Variants in SLC9A8 observed in about 807,000 individuals in gnomAD.
The protein encoded by SLC9A8 is solute carrier family 9 member A8.
In SLC9A8, 48 loss-of-function variants were observed where a neutral mutation model predicts 66.6. That is an observed-to-expected ratio of 0.72 (90% CI 0.57 to 0.92). The LOEUF (loss-of-function observed/expected upper bound fraction) is 0.92. Among genes scored for constraint, SLC9A8 ranks in the 40% least tolerant of loss-of-function variants. SLC9A8 has a pLI of 0.00. For missense variants in SLC9A8, 599 were observed against 747.3 expected (o/e 0.80, Z 2.31); for synonymous variants, 274 against 282.6 (o/e 0.97, Z 0.31).
intron 10 of SLC9A8, among the ~76,000 whole-genome samples, 198 bp from the exon 11 acceptor site, chr20:49,874,507 C>T (rs2089344299): frequency 6.6e-6 from 1 of 152,140 alleles, no homozygotes; most frequent in Non-Finnish European, 1.5e-5. Context: ...CTCAAGGTCA[C>T]CCAGCTAGTA....
At chr20:49,872,335 C>T (rs1489079491) in intron 10 of SLC9A8, among the ~76,000 whole-genome samples, 1 of 152,180 alleles carries the variant, frequency 6.6e-6, no homozygotes, top group Non-Finnish European at 1.5e-5. Context: ...CCTGCTGTCA[C>T]TCAGCCAGCC....
intron 3 of SLC9A8, among the ~76,000 whole-genome samples, chr20:49,834,367 GTGTATA>G (rs1452590003): frequency 2.3e-5 from 1 of 43,860 alleles, no homozygotes; most frequent in Non-Finnish European, 4.8e-5. Flanking sequence ...TATATATACT[GTGTATA>G]TATATATATA....
chr20:49,831,609 A>G (rs2146514315), intron 3 of SLC9A8, among the ~76,000 whole-genome samples: 1 of 152,278 alleles, frequency 6.6e-6, no homozygotes, highest in South Asian at 2.1e-4. Flanking sequence ...AGTCATGTCC[A>G]CGTCCCCCGC....
At chr20:49,813,062 G>C in intron 1 of SLC9A8, 114 bp downstream of exon 1, 1 of 927,080 alleles carries the variant, frequency 1.1e-6, no homozygotes. Context: ...TTTGCTGGTT[G>C]GCCAGGACTG....
rs115552127 is a variant in SLC9A8, at chr20:49,854,606, A to G, written c.570-832A>G. ...TGCCTTCATCTCTGGGTATTGCTGT[A>G]TCTACTGTTGGGGGTAGGAGTACCG... On this transcript the variant is annotated intron_variant, in intron 7 of 15. Transcript: ENST00000361573. Among the ~76,000 whole-genome samples, 636 of 152,152 alleles carry G rather than the reference A, an allele frequency of 4.2e-3. 3 individuals carry two copies. Among genetic ancestry groups the G allele is most frequent in the African/African-American group, 0.015 (615 of 41,494 alleles).
At chr20:49,822,431 G>A (rs940209670) in intron 2 of SLC9A8, among the ~76,000 whole-genome samples, 3 of 152,130 alleles carry the variant, frequency 2.0e-5, no homozygotes, top group African/African-American at 7.2e-5. Flanking sequence ...CCATTTCTCA[G>A]AATCAGAAAA....
intron 13 of SLC9A8, 82 bp from the exon 14 acceptor site, chr20:49,883,764 G>T: frequency 8.8e-7 from 1 of 1,135,382 alleles, no homozygotes; most frequent in Non-Finnish European, 1.3e-6. Flanking sequence ...GTGGTGCTGG[G>T]CCGGCTGGAT....
intron 3 of SLC9A8, among the ~76,000 whole-genome samples, chr20:49,833,838 G>A (rs1020973264): frequency 6.6e-5 from 10 of 152,162 alleles, no homozygotes. Flanking sequence ...GAATTGAGGG[G>A]TGTCCTTAAT....
At chr20:49,836,617 A>G (rs931041930) in intron 3 of SLC9A8, among the ~76,000 whole-genome samples, 2 of 152,108 alleles carry the variant, frequency 1.3e-5, no homozygotes, top group Non-Finnish European at 2.9e-5. Flanking sequence ...GTGAGCCACC[A>G]CACCTGGCCT....
intron 13 of SLC9A8, among the ~76,000 whole-genome samples, chr20:49,881,816 T>C (rs2089634730): frequency 6.6e-6 from 1 of 152,156 alleles, no homozygotes; most frequent in Non-Finnish European, 1.5e-5. Context: ...GAAAAACTCA[T>C]TTTTTTCCTA....
At chr20:49,836,815 C>G (rs146529506) in intron 3 of SLC9A8, among the ~76,000 whole-genome samples, 49 of 152,256 alleles carry the variant, frequency 3.2e-4, no homozygotes, top group African/African-American at 1.2e-3. Context: ...GTGCGTGTTC[C>G]AATTTCTCTA....
chr20:49,823,081 C>T lies in SLC9A8; in HGVS notation c.229C>T (p.His77Tyr). The change falls in exon 3 of 16, where the codon CAT becomes TAT. Residue 77 changes from histidine to tyrosine, a missense_variant. Physicochemically the swap from His to Tyr is moderately conservative, Grantham distance 83. This residue lies in a region of SLC9A8 where 132 missense variants were observed against 120.9 expected (regional missense o/e 1.09). Coordinates refer to ENST00000361573, the MANE Select transcript of SLC9A8 (RefSeq NM_015266.3). ...LVLAICIILV[H>Y]LLIRYRLHFL... ...CACAGCTATCTGCATCATATTGGTG[C>T]ATTTACTGATCCGATACAGATTACA... The T allele has an allele frequency of 6.2e-7, 1 of 1,612,312 alleles. No homozygotes were observed. The highest frequency in any genetic ancestry group is 8.5e-7 in the Non-Finnish European group (1 of 1,179,024).
At chr20:49,880,045 G>A (rs1378508571) in intron 12 of SLC9A8, among the ~76,000 whole-genome samples, 1 of 152,010 alleles carries the variant, frequency 6.6e-6, no homozygotes, top group Non-Finnish European at 1.5e-5. Flanking sequence ...AGGATTGCTT[G>A]AGACCAGGAG....
At chr20:49,823,373 C>G (rs1310859284) in intron 3 of SLC9A8, among the ~76,000 whole-genome samples, 1 of 152,166 alleles carries the variant, frequency 6.6e-6, no homozygotes, top group Non-Finnish European at 1.5e-5. Context: ...GGCCATACAG[C>G]TCTGTACAGC....
chr20:49,860,788 G>C (rs1335178503), intron 8 of SLC9A8, among the ~76,000 whole-genome samples: 1 of 152,168 alleles, frequency 6.6e-6, no homozygotes, highest in African/African-American at 2.4e-5. Flanking sequence ...GAATATTACT[G>C]TTGACTATTC....
intron 10 of SLC9A8, among the ~76,000 whole-genome samples, chr20:49,871,431 C>G (rs774846560): frequency 2.0e-5 from 3 of 152,210 alleles, no homozygotes; most frequent in Non-Finnish European, 4.4e-5. Context: ...GCTGCATTTG[C>G]TTTCTTAAAC....
At chr20:49,820,518 A>G (rs973724866) in intron 2 of SLC9A8, among the ~76,000 whole-genome samples, 2 of 151,812 alleles carry the variant, frequency 1.3e-5, no homozygotes, top group African/African-American at 4.8e-5. Context: ...AATTATAGCT[A>G]TCCTAGTGGA....
intron 4 of SLC9A8, among the ~76,000 whole-genome samples, chr20:49,840,545 T>C (rs1039465641): frequency 7.2e-5 from 11 of 152,114 alleles, no homozygotes; most frequent in African/African-American, 2.4e-4. Context: ...TAAAACACAA[T>C]TTGAAGCTGT....
At chr20:49,867,962 A>G (rs1330384128) in intron 10 of SLC9A8, among the ~76,000 whole-genome samples, 1 of 152,152 alleles carries the variant, frequency 6.6e-6, no homozygotes, top group African/African-American at 2.4e-5. Flanking sequence ...CACCATTTTC[A>G]GGGTTTTGTT....
Sources: gnomAD v4.1 joint callset for allele counts (sites outside exome capture counted in the v4.1 genomes callset) on GRCh38, gnomAD v4.1.1 for gene constraint, gnomAD v4.1.1 regional missense constraint, MANE v1.5 for transcripts, NCBI Gene and HGNC (gene_info 2026-07-23, HGNC 2026-07-21) for gene names.